Variants in PIK3R6 observed in about 807,000 individuals in gnomAD.
The protein encoded by PIK3R6 is phosphoinositide-3-kinase regulatory subunit 6, also known as phosphoinositide 3-kinase regulatory subunit 6.
In PIK3R6, 91 loss-of-function variants were observed where a neutral mutation model predicts 84.9. The observed-to-expected ratio is 1.07, with a 90% confidence interval of 0.90 to 1.28. The LOEUF is 1.28. Ranked by LOEUF, PIK3R6 falls within the 50% of genes most tolerant of loss-of-function variation. The pLI, the probability that PIK3R6 is intolerant of heterozygous loss-of-function variation, is 0.00. For missense variants in PIK3R6, 996 were observed against 985.1 expected (o/e 1.01, Z -0.15); for synonymous variants, 416 against 411.4 (o/e 1.01, Z -0.13).
chr17:8,844,910 G>T lies in PIK3R6; in HGVS notation c.13+4872C>A, dbSNP rs765216752. 4.6e-5 allele frequency among the ~76,000 whole-genome samples: 7 copies of T among 152,044 alleles called. No individual in the cohort carries two copies. Among genetic ancestry groups the T allele is most frequent in the Non-Finnish European group, 5.9e-5 (4 of 68,024 alleles). On this transcript the variant is annotated intron_variant, in intron 2 of 19. Transcript: ENST00000619866. This position sits in a 1 kb window ranked among gnomAD's most constrained non-coding sequence, Gnocchi z 4.5. ...CAAAGTTTAGCTCCCACCTATAAGT[G>T]AGAACATGCAGTATTTGGCTTTCTG... is the stretch of plus-strand genomic sequence containing the variant.
At chr17:8,804,008 CT>C (rs1260603955) in intron 19 of PIK3R6, 32 bp downstream of exon 19, 3 of 1,573,662 alleles carry the variant, frequency 1.9e-6, no homozygotes, top group Non-Finnish European at 2.6e-6. Flanking sequence ...CCCACGGGCC[CT>C]GGACATCTAG....
intron 18 of PIK3R6, among the ~76,000 whole-genome samples, chr17:8,817,599 G>A (rs941399521): frequency 6.6e-6 from 1 of 152,148 alleles, no homozygotes; most frequent in South Asian, 2.1e-4. Flanking sequence ...CCGAGATTGC[G>A]CCACTGCACT....
At chr17:8,865,076 A>C (rs1167376524) in intron 1 of PIK3R6, among the ~76,000 whole-genome samples, 1 of 152,156 alleles carries the variant, frequency 6.6e-6, no homozygotes, top group Non-Finnish European at 1.5e-5. Flanking sequence ...CCACCTGTTC[A>C]CAGCTGCTGC....
At chr17:8,815,607 A>G (rs1567569508) in intron 18 of PIK3R6, among the ~76,000 whole-genome samples, 1 of 152,170 alleles carries the variant, frequency 6.6e-6, no homozygotes, top group Non-Finnish European at 1.5e-5. Context: ...TGGCCGTCCT[A>G]GGAGCATTTG....
At chr17:8,815,830 C>G (rs949617077) in intron 18 of PIK3R6, among the ~76,000 whole-genome samples, 1 of 152,168 alleles carries the variant, frequency 6.6e-6, no homozygotes, top group South Asian at 2.1e-4. Context: ...TTGGCTTGTG[C>G]GATGAGTGAG....
rs1030176974 is a variant in PIK3R6, at chr17:8,840,954, G to A, written c.14-1257C>T. Among the ~76,000 whole-genome samples the A allele has an allele frequency of 4.6e-5, 7 of 151,590 alleles. No individual in the cohort carries two copies. In the East Asian group the frequency reaches 7.7e-4, roughly 17 times the overall value. On this transcript the variant is annotated intron_variant, in intron 2 of 19. Coordinates refer to ENST00000619866, the MANE Select transcript of PIK3R6 (RefSeq NM_001010855.4). Reference sequence around the variant, plus strand: ...TTTTTAGCAGAGACGGGATTTCACCGTGTTAGCTAGGATGGTCTCAATCTC... The same window carrying A: ...TTTTTAGCAGAGACGGGATTTCACCATGTTAGCTAGGATGGTCTCAATCTC...
chr17:8,803,823 G>A lies in PIK3R6; in HGVS notation c.2108+218C>T. The A allele has an allele frequency of 1.7e-6, 1 of 594,846 alleles. No homozygotes were observed. Among genetic ancestry groups the A allele is most frequent in the South Asian group, 2.0e-5 (1 of 49,734 alleles). The allele number at this position is 594,846 out of a possible 1,614,324, so 36.8% of individuals were successfully genotyped here. A position where few individuals can be genotyped will look rare whatever the true frequency, so the allele number is the denominator to read the frequency against. The stretch of plus-strand genomic sequence containing the variant: ...GGCATCTGGGGAAAATGCAATATCA[G>A]CTGCTGCCCTGGGTATGCCATTCAT... On this transcript the variant is annotated intron_variant, in intron 19 of 19. Transcript: ENST00000619866. This position sits in a 1 kb window ranked among gnomAD's most constrained non-coding sequence, Gnocchi z 5.0.
intron 1 of PIK3R6, among the ~76,000 whole-genome samples, chr17:8,861,112 G>T (rs960221797): frequency 6.6e-6 from 1 of 150,936 alleles, no homozygotes; most frequent in Non-Finnish European, 1.5e-5. Flanking sequence ...AATCTGGGAG[G>T]CAGAAGTTGC....
At position 8,803,551 on chromosome 17, in the gene PIK3R6, G is replaced by T; in HGVS notation, c.2109-122C>A. ...TGTTATTGTAGGGCATAGAGGAGGC[G>T]GCTACACAGAAGAAAGAGGAAGAGT... is the stretch of plus-strand genomic sequence containing the variant. On this transcript the variant is annotated intron_variant, in intron 19 of 19. Coordinates refer to ENST00000619866, the MANE Select transcript of PIK3R6 (RefSeq NM_001010855.4). This position sits in a 1 kb window ranked among gnomAD's most constrained non-coding sequence, Gnocchi z 5.0. 2.0e-6 allele frequency: 2 copies of T among 997,758 alleles called. No homozygotes were observed. Among genetic ancestry groups the T allele is most frequent in the Non-Finnish European group, 2.9e-6 (2 of 700,516 alleles). The allele number at this position is 997,758 out of a possible 1,614,324, so 61.8% of individuals were successfully genotyped here.
intron 18 of PIK3R6, among the ~76,000 whole-genome samples, chr17:8,805,240 T>C (rs2087167905): frequency 6.6e-6 from 1 of 152,220 alleles, no homozygotes; most frequent in South Asian, 2.1e-4. Flanking sequence ...TTTCTTAATC[T>C]CTCTGTGCTA....
In PIK3R6 at chr17:8,823,413, T is replaced by C. The variant is rs374477477; in HGVS notation, c.1600A>G (p.Ile534Val). The C allele has an allele frequency of 8.4e-6, 13 of 1,552,170 alleles. No homozygotes were observed. The highest frequency in any genetic ancestry group is 1.1e-5 in the Non-Finnish European group (13 of 1,147,920). ...TYYIRMGTQP[I>V]YFQIYTVKIF... ...TTGACTGTGTAGATCTGGAAATAGA[T>C]GGGTTGGGTGCCCATGCGGATGTAG... The change falls in exon 14 of 20, where the codon ATC (isoleucine) becomes GTC (valine). Residue 534 changes from isoleucine to valine, a missense_variant. Transcript: ENST00000619866.
intron 1 of PIK3R6, among the ~76,000 whole-genome samples, chr17:8,861,181 CAAA>C (rs35125812): frequency 2.0e-4 from 19 of 95,630 alleles, no homozygotes; most frequent in East Asian, 9.6e-4. Flanking sequence ...GACTCTGTCT[CAAA>C]AAAAAAAAAA....
chr17:8,834,476 C>G (rs142266189), intron 8 of PIK3R6, among the ~76,000 whole-genome samples: 2 of 151,798 alleles, frequency 1.3e-5, no homozygotes, highest in Admixed American at 6.6e-5. Flanking sequence ...CTCACTGCAG[C>G]CTTGAACTTG....
Position 8,849,661 on chromosome 17 carries a change from G to T in PIK3R6, c.13+121C>A, listed in dbSNP as rs976449901. On this transcript the variant is annotated intron_variant, in intron 2 of 19. Coordinates refer to ENST00000619866, the MANE Select transcript of PIK3R6 (RefSeq NM_001010855.4). ...ATTTAGGCAGGATCCCTGAATTGGG[G>T]TCTTGCAGCCTGTCTATGTGCAGGG... is the stretch of plus-strand genomic sequence containing the variant. The T allele has an allele frequency of 1.5e-5, 17 of 1,145,268 alleles. No individual in the cohort carries two copies. In the African/African-American group the frequency reaches 2.4e-4, roughly 16 times the overall value. The allele number at this position is 1,145,268 out of a possible 1,614,324, so 70.9% of individuals were successfully genotyped here.
intron 18 of PIK3R6, among the ~76,000 whole-genome samples, chr17:8,816,186 A>C (rs1295869352): frequency 6.6e-6 from 1 of 152,228 alleles, no homozygotes. Flanking sequence ...CAGATTATAA[A>C]ATAAATATGT....
Position 8,808,811 on chromosome 17 carries a change from G to A in PIK3R6, c.1996-4658C>T, listed in dbSNP as rs186980912. The stretch of plus-strand genomic sequence containing the variant: ...GCTACTTAAGGATCTAGGAAAAGGA[G>A]TTCAGGGAATGAGGCCAACAAGTAA... On this transcript the variant is annotated intron_variant, in intron 18 of 19. Transcript: ENST00000619866. Among the ~76,000 whole-genome samples the A allele has an allele frequency of 7.9e-5, 12 of 152,338 alleles. No homozygotes were observed. In the East Asian group the frequency reaches 2.3e-3, roughly 29 times the overall value.
At chr17:8,863,102 G>A (rs1055870004) in intron 1 of PIK3R6, among the ~76,000 whole-genome samples, 14 of 152,146 alleles carry the variant, frequency 9.2e-5, no homozygotes, top group Admixed American at 6.5e-5. Context: ...TATGATAAGT[G>A]CTATAAGAAT....
intron 1 of PIK3R6, among the ~76,000 whole-genome samples, chr17:8,852,215 G>A (rs1327059568): frequency 1.3e-5 from 2 of 152,152 alleles, no homozygotes; most frequent in Non-Finnish European, 2.9e-5. Context: ...AGTAATGGTT[G>A]CTCAATATTG....
chr17:8,823,622 A>T (rs1409416027), intron 13 of PIK3R6, 125 bp from the exon 14 acceptor site: 3 of 656,444 alleles, frequency 4.6e-6, no homozygotes, highest in Non-Finnish European at 8.3e-6. Context: ...TGCGTCCTTC[A>T]ACACATTCCA....
Sources: gnomAD v4.1 joint callset for allele counts (sites outside exome capture counted in the v4.1 genomes callset) on GRCh38, gnomAD v4.1.1 for gene constraint, Gnocchi (gnomAD v3.1) non-coding constraint, MANE v1.5 for transcripts, NCBI Gene and HGNC (gene_info 2026-07-23, HGNC 2026-07-21) for gene names.